WWOX: variants seen among roughly 807,000 people sequenced by gnomAD.
WWOX encodes WW domain-containing oxidoreductase.
WWOX carries 69 observed loss-of-function variants against 46.2 expected under a neutral mutation model. The observed-to-expected ratio is 1.49, with a 90% CI of 1.23 to 1.82. The LOEUF is 1.82. Among genes scored for constraint, WWOX ranks in the 40% most tolerant of loss-of-function variants. The probability of loss-of-function intolerance (pLI) is 0.00; values close to 1 mark genes in which losing one functional copy is unlikely to be tolerated. For missense variants in WWOX, 919 were observed against 542.6 expected (o/e 1.69, Z -6.89); for synonymous variants, 359 against 202.6 (o/e 1.77, Z -6.56).
chr16:78,735,256 C>T (rs566189507), intron 8 of WWOX, among the ~76,000 whole-genome samples: 15 of 152,200 alleles, frequency 9.9e-5, no homozygotes, highest in African/African-American at 2.6e-4. Context: ...TGAAACTACA[C>T]ATCAGTTCTC....
At chr16:78,112,933 T>G (rs1427555882) in intron 3 of WWOX, among the ~76,000 whole-genome samples, 1 of 152,164 alleles carries the variant, frequency 6.6e-6, no homozygotes, top group Non-Finnish European at 1.5e-5. Flanking sequence ...CTTGAACTTC[T>G]GGCCTTCAGC....
rs115705690 is a variant in WWOX, at chr16:79,111,213, C to A, written c.1057-100395C>A. 2.8e-3 allele frequency among the ~76,000 whole-genome samples: 429 copies of A among 152,232 alleles called. 1 individual carries two copies. Among genetic ancestry groups the A allele is most frequent in the African/African-American group, 9.9e-3 (411 of 41,544 alleles). On this transcript the variant is annotated intron_variant, in intron 8 of 8. Coordinates refer to ENST00000566780, the MANE Select transcript of WWOX (RefSeq NM_016373.4). ...TTATTCGTGCATCTTTATGGTATGA[C>A]CAAGGGCTCATGATTTGTAAGCAGT...
At chr16:78,699,672 T>C (rs1467226453) in intron 8 of WWOX, among the ~76,000 whole-genome samples, 2 of 152,244 alleles carry the variant, frequency 1.3e-5, no homozygotes, top group African/African-American at 4.8e-5. Context: ...GAGAGTCAGC[T>C]ATTCCCTCTT....
chr16:79,199,127 A>G (rs564181375), intron 8 of WWOX, among the ~76,000 whole-genome samples: 3 of 152,116 alleles, frequency 2.0e-5, no homozygotes, highest in Non-Finnish European at 2.9e-5. Context: ...CAGTGGTGCA[A>G]TCTTGGCTCA....
At chr16:78,478,391 C>G (rs1041117821) in intron 8 of WWOX, among the ~76,000 whole-genome samples, 2 of 152,010 alleles carry the variant, frequency 1.3e-5, no homozygotes, top group Non-Finnish European at 2.9e-5. Flanking sequence ...TTCCTTAAGC[C>G]AATGTTAGCA....
chr16:78,782,718 A>G lies in WWOX; in HGVS notation c.1056+349966A>G, dbSNP rs563265330. ...CAATTGTGATCATACTATATATGCA[A>G]TTTGAGGTATTTCAGACAACATTAT... is the stretch of plus-strand genomic sequence containing the variant. On this transcript the variant is annotated intron_variant, in intron 8 of 8. Transcript: ENST00000566780. Among the ~76,000 whole-genome samples the G allele has an allele frequency of 1.1e-4, 16 of 148,246 alleles. No individual in the cohort carries two copies. The South Asian group carries it at 1.7e-3, about 16-fold the overall frequency.
intron 8 of WWOX, among the ~76,000 whole-genome samples, chr16:78,821,524 T>C (rs180724000): frequency 1.3e-5 from 2 of 152,328 alleles, no homozygotes; most frequent in Admixed American, 1.3e-4. Flanking sequence ...CCAGAGTGTT[T>C]GCAGTTCCTA....
intron 8 of WWOX, among the ~76,000 whole-genome samples, chr16:78,738,167 G>A (rs1337246026): frequency 2.0e-5 from 3 of 152,120 alleles, no homozygotes; most frequent in South Asian, 4.2e-4. Context: ...GTGTGTGTCC[G>A]ACTCATAAAA....
Position 78,663,699 on chromosome 16 carries a change from G to A in WWOX, c.1056+230947G>A, listed in dbSNP as rs139805909. On this transcript the variant is annotated intron_variant, in intron 8 of 8. Transcript: ENST00000566780. ...CTGACATCATTTAAATAAAAATAAA[G>A]TAGGGAAAGAAAACAGATAGTGATT... is the stretch of plus-strand genomic sequence containing the variant. Among the ~76,000 whole-genome samples, 80 of 152,296 alleles carry A rather than the reference G, an allele frequency of 5.3e-4. No individual in the cohort carries two copies. The East Asian group carries it at 0.015, about 29-fold the overall frequency.
intron 8 of WWOX, among the ~76,000 whole-genome samples, chr16:78,537,949 G>T (rs2151521989): frequency 6.6e-6 from 1 of 152,220 alleles, no homozygotes; most frequent in African/African-American, 2.4e-5. Flanking sequence ...CTATCTCTCA[G>T]GAGGCCTGCT....
At chr16:78,314,704 T>G (rs2080323211) in intron 5 of WWOX, among the ~76,000 whole-genome samples, 11 of 69,132 alleles carry the variant, frequency 1.6e-4, no homozygotes, top group African/African-American at 4.9e-4. Context: ...TTTTTTTGTT[T>G]TTTTTTTTTT....
intron 6 of WWOX, among the ~76,000 whole-genome samples, chr16:78,403,153 A>AT (rs2082451943): frequency 6.6e-6 from 1 of 152,214 alleles, no homozygotes; most frequent in Non-Finnish European, 1.5e-5. Flanking sequence ...GAGATGTTTT[A>AT]TTTTTTGAGT....
intron 8 of WWOX, among the ~76,000 whole-genome samples, chr16:78,764,457 G>C (rs1236700581): frequency 6.7e-6 from 1 of 150,150 alleles, no homozygotes; most frequent in Admixed American, 6.7e-5. Context: ...TTCTGGGAGT[G>C]GGTTTGTAAA....
At chr16:78,555,737 T>C (rs796630689) in intron 8 of WWOX, among the ~76,000 whole-genome samples, 12 of 152,134 alleles carry the variant, frequency 7.9e-5, no homozygotes, top group African/African-American at 2.9e-4. Flanking sequence ...GACTCCACAT[T>C]TGGAATGATT....
intron 8 of WWOX, among the ~76,000 whole-genome samples, chr16:78,721,981 G>A: frequency 6.6e-6 from 1 of 152,364 alleles, no homozygotes; most frequent in East Asian, 1.9e-4. Context: ...TGTATGTAAA[G>A]TATTAAATTA....
chr16:78,875,099 C>T (rs533113255), intron 8 of WWOX, among the ~76,000 whole-genome samples: 13 of 152,222 alleles, frequency 8.5e-5, no homozygotes, highest in Middle Eastern at 3.4e-3. Context: ...CCAGCAGACT[C>T]GGTGGATTCT....
At chr16:78,683,506 C>G (rs904299836) in intron 8 of WWOX, among the ~76,000 whole-genome samples, 2 of 151,652 alleles carry the variant, frequency 1.3e-5, no homozygotes, top group East Asian at 1.9e-4. Context: ...TGCCACTGCA[C>G]TCCAGCCTGG....
intron 8 of WWOX, among the ~76,000 whole-genome samples, chr16:78,709,444 A>G (rs2048392563): frequency 6.6e-6 from 1 of 150,978 alleles, no homozygotes; most frequent in African/African-American, 2.5e-5. Context: ...GCTCTGTCAG[A>G]TCAGCCTTGG....
chr16:79,154,503 CAAAAAA>C lies in WWOX; in HGVS notation c.1057-57093_1057-57088del, dbSNP rs67379862. On this transcript the variant is annotated intron_variant, in intron 8 of 8. Transcript: ENST00000566780. ...AATAATTTTTTAAAATCCTCTTTTG[CAAAAAA>C]AAAAAAAAAAAGAGGTGAATTTAGT... 9.4e-3 allele frequency among the ~76,000 whole-genome samples: 830 copies of C among 88,178 alleles called. 5 individuals are homozygous for C. The highest frequency in any genetic ancestry group is 0.027 in the African/African-American group (776 of 28,352). The allele number at this position is 88,178 out of a possible 152,430, so 57.8% of individuals were successfully genotyped here.
Sources: gnomAD v4.1 joint callset for allele counts (sites outside exome capture counted in the v4.1 genomes callset) on GRCh38, gnomAD v4.1.1 for gene constraint, MANE v1.5 for transcripts, NCBI Gene and HGNC (gene_info 2026-07-23, HGNC 2026-07-21) for gene names.